Variants in MDGA2 observed in about 807,000 individuals in gnomAD.
The protein encoded by MDGA2 is MAM domain containing glycosylphosphatidylinositol anchor 2.
A neutral mutation model predicts 117.8 loss-of-function variants in MDGA2; 40 were observed. The ratio of observed to expected loss-of-function variants is 0.34; its 90% confidence interval spans 0.26 to 0.44. The LOEUF is 0.44. Ranked by LOEUF, MDGA2 falls within the 20% of genes least tolerant of loss-of-function variation. The pLI is 1.00. For synonymous variants in MDGA2, 452 were observed against 439.0 expected, an observed-to-expected ratio of 1.03 and a Z score of -0.37; for missense variants, 1,123 against 1,250.6, an observed-to-expected ratio of 0.90 and a Z score of 1.54.
At position 47,537,198 on chromosome 14, in the gene MDGA2, C is replaced by T. The variant is rs573358535; in HGVS notation, c.280+137319G>A. On this transcript the variant is annotated intron_variant, in intron 1 of 16. Transcript: ENST00000399232. ...CCAACTGTCATTCTCAGCAAACTAT[C>T]GCAAGGACAAAAAAACCAAACACCG... Among the ~76,000 whole-genome samples the T allele has an allele frequency of 5.7e-4, 86 of 149,960 alleles. 1 individual carries two copies. Among genetic ancestry groups the T allele is most frequent in the African/African-American group, 2.0e-3 (81 of 40,742 alleles).
At chr14:47,106,528 T>C (rs182110913) in intron 5 of MDGA2, among the ~76,000 whole-genome samples, 77,283 of 150,144 alleles carry the variant, frequency 0.51, 20,169 homozygotes, top group African/African-American at 0.63. Context: ...GCGTCCCATC[T>C]GTGCGGGACC....
chr14:47,212,392 G>T (rs1885917196), intron 3 of MDGA2, among the ~76,000 whole-genome samples: 1 of 152,156 alleles, frequency 6.6e-6, no homozygotes, highest in Non-Finnish European at 1.5e-5. Context: ...GAACCTCCAA[G>T]GTAAAAATCT....
intron 1 of MDGA2, among the ~76,000 whole-genome samples, chr14:47,390,549 T>G (rs1232312209): frequency 6.6e-6 from 1 of 152,206 alleles, no homozygotes; most frequent in Non-Finnish European, 1.5e-5. Context: ...TGACAAATGA[T>G]GCTGTCAAGT....
At chr14:46,962,166 C>A (rs1885837995) in intron 8 of MDGA2, among the ~76,000 whole-genome samples, 1 of 152,134 alleles carries the variant, frequency 6.6e-6, no homozygotes, top group African/African-American at 2.4e-5. Flanking sequence ...TGTCTAGGAT[C>A]ACATTTAAGT....
chr14:46,850,395 G>C lies in MDGA2; in HGVS notation c.2884-4524C>G, dbSNP rs565878857. 5.3e-5 allele frequency among the ~76,000 whole-genome samples: 8 copies of C among 151,866 alleles called. 1 individual carries two copies. In the South Asian group the frequency reaches 1.4e-3, roughly 28 times the overall value. The stretch of plus-strand genomic sequence containing the variant: ...GAATTAAATAATACAATGCACTTCT[G>C]ATGATTTGCCTTCATTGTTAATGGT... On this transcript the variant is annotated intron_variant, in intron 15 of 16. Transcript: ENST00000399232.
rs76893516 is a variant in MDGA2, at chr14:47,664,873, A to G, written c.280+9644T>C. Among the ~76,000 whole-genome samples the G allele has an allele frequency of 6.8e-3, 1,040 of 152,322 alleles. 12 individuals carry two copies. Among genetic ancestry groups the G allele is most frequent in the African/African-American group, 0.024 (984 of 41,572 alleles). On this transcript the variant is annotated intron_variant, in intron 1 of 16. Transcript: ENST00000399232. ...GAGTTGCCCCCCACAGGAACTTTAGAGATAACTGTCCTACCTTCTGAAGAA... is the reference window on the plus strand; with the variant it reads ...GAGTTGCCCCCCACAGGAACTTTAGGGATAACTGTCCTACCTTCTGAAGAA...
intron 15 of MDGA2, among the ~76,000 whole-genome samples, chr14:46,850,701 T>A (rs1881023749): frequency 6.6e-6 from 1 of 151,948 alleles, no homozygotes; most frequent in Non-Finnish European, 1.5e-5. Context: ...GTGGGTAGCC[T>A]TGGCTTTTTC....
At chr14:46,931,011 T>C (rs1884550746) in intron 9 of MDGA2, among the ~76,000 whole-genome samples, 1 of 151,938 alleles carries the variant, frequency 6.6e-6, no homozygotes, top group Admixed American at 6.6e-5. Context: ...GGTCAAGAGT[T>C]CAAGACCAGT....
At chr14:46,902,949 G>C (rs568586929) in intron 10 of MDGA2, among the ~76,000 whole-genome samples, 1 of 152,128 alleles carries the variant, frequency 6.6e-6, no homozygotes. Flanking sequence ...GAGGCAAAAA[G>C]GGGGAGGGCC....
In MDGA2 at chr14:47,161,678, CCCT is replaced by C. The variant is rs1219695402; in HGVS notation, c.596-17407_596-17405del. ...TTCAATAAAGCAAAAATTTTAGATGCCCTTCAGGGCACACTCTGCCCCCACCCT... is the reference window on the plus strand; with the variant it reads ...TTCAATAAAGCAAAAATTTTAGATGCTCAGGGCACACTCTGCCCCCACCCT... On this transcript the variant is annotated intron_variant, in intron 3 of 16. Transcript: ENST00000399232. 7.3e-5 allele frequency among the ~76,000 whole-genome samples: 11 copies of C among 151,652 alleles called. No individual in the cohort carries two copies. The East Asian group carries it at 2.1e-3, about 30-fold the overall frequency.
Position 46,841,020 on chromosome 14 carries a change from C to A in MDGA2, c.*911G>T, listed in dbSNP as rs1399919283. ...TGCCTGTAATTTGCACATTTAGGCTCTGTAGTTTGTTTATAAAATAGTTTT... is the reference window on the plus strand; with the variant it reads ...TGCCTGTAATTTGCACATTTAGGCTATGTAGTTTGTTTATAAAATAGTTTT... On this transcript the variant is annotated 3_prime_UTR_variant, in exon 17 of 17. Transcript: ENST00000399232. 1.3e-5 allele frequency: 2 copies of A among 152,534 alleles called. No homozygotes were observed. The highest frequency in any genetic ancestry group is 2.9e-5 in the Non-Finnish European group (2 of 68,014). 9.4% of individuals were successfully genotyped at this position (152,534 alleles called of 1,614,324 possible). A position where few individuals can be genotyped will look rare whatever the true frequency, so the allele number is the denominator to read the frequency against.
intron 3 of MDGA2, among the ~76,000 whole-genome samples, chr14:47,183,641 T>G (rs986350089): frequency 3.3e-5 from 5 of 152,122 alleles, no homozygotes; most frequent in Non-Finnish European, 7.4e-5. Context: ...ATAGCATATT[T>G]ATTGATCACT....
At chr14:47,243,522 G>T (rs1387338904) in intron 2 of MDGA2, among the ~76,000 whole-genome samples, 4 of 151,570 alleles carry the variant, frequency 2.6e-5, no homozygotes, top group Non-Finnish European at 4.4e-5. Flanking sequence ...GCGAAGATCT[G>T]CAGCTTCACT....
At chr14:47,071,352 G>A (rs956417618) in intron 6 of MDGA2, among the ~76,000 whole-genome samples, 1 of 152,106 alleles carries the variant, frequency 6.6e-6, no homozygotes, top group Non-Finnish European at 1.5e-5. Flanking sequence ...ACAAAGATCC[G>A]GATGTGTTGG....
At chr14:47,487,153 G>A (rs568669084) in intron 1 of MDGA2, among the ~76,000 whole-genome samples, 1 of 152,268 alleles carries the variant, frequency 6.6e-6, no homozygotes, top group Non-Finnish European at 1.5e-5. Context: ...CAGTATCACA[G>A]GACCCGTTCA....
intron 15 of MDGA2, among the ~76,000 whole-genome samples, chr14:46,848,360 C>T (rs574836001): frequency 1.1e-4 from 16 of 152,006 alleles, no homozygotes; most frequent in South Asian, 4.1e-4. Context: ...GTTCTTGTTA[C>T]TTCCAGATGG....
chr14:47,441,814 T>G (rs1893017719), intron 1 of MDGA2, among the ~76,000 whole-genome samples: 1 of 152,116 alleles, frequency 6.6e-6, no homozygotes, highest in Admixed American at 6.6e-5. Context: ...TTAGTGAAAC[T>G]TATTAATTAG....
chr14:47,129,981 T>G (rs1882119924), intron 5 of MDGA2, among the ~76,000 whole-genome samples: 2 of 150,144 alleles, frequency 1.3e-5, no homozygotes, highest in Non-Finnish European at 1.5e-5. Flanking sequence ...CATTGTAGAT[T>G]CTGGATATTA....
intron 3 of MDGA2, among the ~76,000 whole-genome samples, chr14:47,149,389 C>T (rs574647297): frequency 5.9e-5 from 9 of 152,276 alleles, no homozygotes; most frequent in African/African-American, 1.7e-4. Context: ...CTGTCATCCC[C>T]GCTGTTACGA....
Sources: gnomAD v4.1 joint callset for allele counts (sites outside exome capture counted in the v4.1 genomes callset) on GRCh38, gnomAD v4.1.1 for gene constraint, MANE v1.5 for transcripts, NCBI Gene and HGNC (gene_info 2026-07-23, HGNC 2026-07-21) for gene names.